The following PPP2R2A variants were observed in gnomAD, a reference collection of about 807,000 sequenced individuals.
The protein encoded by PPP2R2A is serine/threonine-protein phosphatase 2A 55 kDa regulatory subunit B alpha isoform.
In PPP2R2A, 9 loss-of-function variants were observed where a neutral mutation model predicts 53.2. The observed-to-expected ratio is 0.17, with a 90% CI of 0.10 to 0.30. The LOEUF (loss-of-function observed/expected upper bound fraction) is 0.30. Among genes scored for constraint, PPP2R2A ranks in the 10% least tolerant of loss-of-function variants. PPP2R2A has a pLI of 1.00. For missense variants in PPP2R2A, 235 were observed against 534.6 expected (o/e 0.44, Z 5.53); for synonymous variants, 169 against 174.2 (o/e 0.97, Z 0.23).
intron 2 of PPP2R2A, among the ~76,000 whole-genome samples, chr8:26,308,710 G>C (rs1230919741): frequency 1.3e-5 from 2 of 152,102 alleles, no homozygotes; most frequent in Non-Finnish European, 2.9e-5. Context: ...TCAGACTCTT[G>C]TCAATGTTGA....
chr8:26,303,886 A>G (rs531685200), intron 2 of PPP2R2A, among the ~76,000 whole-genome samples: 3 of 152,334 alleles, frequency 2.0e-5, no homozygotes, highest in South Asian at 2.1e-4. Flanking sequence ...GAATACTTCT[A>G]TATACCACAT....
intron 2 of PPP2R2A, among the ~76,000 whole-genome samples, chr8:26,307,529 C>A (rs980989111): frequency 6.6e-5 from 10 of 152,140 alleles, no homozygotes; most frequent in Non-Finnish European, 1.0e-4. Flanking sequence ...GACCTAATTT[C>A]TTGGGAGTTT....
Position 26,331,266 on chromosome 8 carries a change from C to A in PPP2R2A, c.83-7624C>A, listed in dbSNP as rs548782966. Among the ~76,000 whole-genome samples, 25 of 152,296 alleles carry A rather than the reference C, an allele frequency of 1.6e-4. No individual in the cohort carries two copies. The South Asian group carries it at 3.5e-3, about 21-fold the overall frequency. Reference sequence around the variant, plus strand: ...TTTCTAAGAGTATCCAACCCACATTCATTGTCCGTTGTCTGAAAAACAGTT... The same window carrying A: ...TTTCTAAGAGTATCCAACCCACATTAATTGTCCGTTGTCTGAAAAACAGTT... On this transcript the variant is annotated intron_variant, in intron 2 of 9. Transcript: ENST00000380737.
chr8:26,357,204 C>T (rs920431869), intron 4 of PPP2R2A, among the ~76,000 whole-genome samples: 2 of 150,800 alleles, frequency 1.3e-5, no homozygotes, highest in African/African-American at 4.9e-5. Flanking sequence ...AAAATGTCAA[C>T]ATCTGTTGAT....
chr8:26,337,978 C>T (rs1803754146), intron 2 of PPP2R2A, among the ~76,000 whole-genome samples: 1 of 152,170 alleles, frequency 6.6e-6, no homozygotes, highest in African/African-American at 2.4e-5. Flanking sequence ...TGTATATCAT[C>T]AGATTCTTAA....
rs968479983 is a variant in PPP2R2A at position 26,362,583 on chromosome 8, T to C, written c.638-101T>C. 2 of 1,069,880 alleles carry C rather than the reference T, an allele frequency of 1.9e-6. No individual in the cohort carries two copies. Among genetic ancestry groups the C allele is most frequent in the East Asian group, 5.1e-5 (2 of 38,960 alleles). The allele number at this position is 1,069,880 out of a possible 1,614,324, so 66.3% of individuals were successfully genotyped here. A position where few individuals can be genotyped will look rare whatever the true frequency, so the allele number is the denominator to read the frequency against. On this transcript the variant is annotated intron_variant, in intron 6 of 9. Transcript: ENST00000380737. This position sits in a 1 kb window ranked among gnomAD's most constrained non-coding sequence, Gnocchi z 4.4. ...ACAGTGGAGTGCAATTCAGAATTAA[T>C]ATTTTTGCTTAGGTCCATGAATGGG...
At chr8:26,297,260 C>A (rs1801584402) in intron 2 of PPP2R2A, among the ~76,000 whole-genome samples, 1 of 152,094 alleles carries the variant, frequency 6.6e-6, no homozygotes, top group South Asian at 2.1e-4. Context: ...CAGGTGCACC[C>A]CGCCATGTCC....
At chr8:26,342,382 G>T (rs1803987505) in intron 3 of PPP2R2A, among the ~76,000 whole-genome samples, 4 of 152,184 alleles carry the variant, frequency 2.6e-5, no homozygotes, top group Non-Finnish European at 4.4e-5. Context: ...ATTAATACAG[G>T]GTTTTGAGGA....
chr8:26,364,962 T>C (rs781241834), intron 8 of PPP2R2A: 1 of 152,178 alleles, frequency 6.6e-6, no homozygotes, highest in African/African-American at 2.4e-5. Flanking sequence ...CCCTCGTGTA[T>C]ACTGAAAAAA....
intron 9 of PPP2R2A, among the ~76,000 whole-genome samples, chr8:26,369,107 C>CAA (rs1286986545): frequency 7.6e-6 from 1 of 132,258 alleles, no homozygotes. Flanking sequence ...GACTCCGTCT[C>CAA]AAAAAAAAAA....
Position 26,355,526 on chromosome 8 carries a change from GA to G in PPP2R2A, c.346+894del, listed in dbSNP as rs1336173730. ...CCCAAAGTGCTGGGATTACACGTGT[GA>G]GCCACTATGCCTGGCCCAGGAAAAG... On this transcript the variant is annotated intron_variant, in intron 4 of 9. Transcript: ENST00000380737. Among the ~76,000 whole-genome samples the G allele has an allele frequency of 3.3e-5, 5 of 152,158 alleles. No individual in the cohort carries two copies. In the East Asian group the frequency reaches 9.7e-4, roughly 29 times the overall value.
intron 3 of PPP2R2A, among the ~76,000 whole-genome samples, chr8:26,349,937 A>G (rs1256374621): frequency 6.6e-6 from 1 of 152,190 alleles, no homozygotes; most frequent in East Asian, 1.9e-4. Flanking sequence ...AAGTTCTGCT[A>G]ATTTTATTCT....
At chr8:26,339,391 A>C (rs979084386) in intron 3 of PPP2R2A, among the ~76,000 whole-genome samples, 3 of 152,148 alleles carry the variant, frequency 2.0e-5, no homozygotes, top group African/African-American at 7.2e-5. Flanking sequence ...GGCTAGTTTA[A>C]AGAAAAAGCA....
At chr8:26,303,000 T>G (rs1339395523) in intron 2 of PPP2R2A, among the ~76,000 whole-genome samples, 2 of 152,172 alleles carry the variant, frequency 1.3e-5, no homozygotes, top group Non-Finnish European at 2.9e-5. Flanking sequence ...GTTCATAGAT[T>G]TCATTTTAGT....
chr8:26,334,522 G>T (rs1310712649), intron 2 of PPP2R2A, among the ~76,000 whole-genome samples: 1 of 152,092 alleles, frequency 6.6e-6, no homozygotes, highest in African/African-American at 2.4e-5. Flanking sequence ...GAGGTAGGCG[G>T]ATCACAAGGT....
chr8:26,317,645 C>G (rs1802623786), intron 2 of PPP2R2A, among the ~76,000 whole-genome samples: 1 of 152,152 alleles, frequency 6.6e-6, no homozygotes, highest in South Asian at 2.1e-4. Context: ...TAGCACTTCC[C>G]AGTTTTTTGA....
chr8:26,358,336 T>TG (rs1264182063), intron 4 of PPP2R2A, among the ~76,000 whole-genome samples: 1 of 152,176 alleles, frequency 6.6e-6, no homozygotes, highest in Non-Finnish European at 1.5e-5. Flanking sequence ...ACTTTGCAAG[T>TG]ATTTAGAACA....
At chr8:26,293,418 G>C in intron 1 of PPP2R2A, 1 of 789,186 alleles carries the variant, frequency 1.3e-6, no homozygotes, top group Non-Finnish European at 2.0e-6. Flanking sequence ...GGAAGTTTGT[G>C]AACAGATGTT....
chr8:26,294,093 A>C (rs1298479200), intron 2 of PPP2R2A, among the ~76,000 whole-genome samples: 2 of 152,194 alleles, frequency 1.3e-5, no homozygotes, highest in African/African-American at 4.8e-5. Context: ...CATTGGTTTT[A>C]GATAAGTAAA....
Sources: gnomAD v4.1 joint callset for allele counts (sites outside exome capture counted in the v4.1 genomes callset) on GRCh38, gnomAD v4.1.1 for gene constraint, Gnocchi (gnomAD v3.1) non-coding constraint, MANE v1.5 for transcripts, NCBI Gene and HGNC (gene_info 2026-07-23, HGNC 2026-07-21) for gene names.